The following ITGB8 variants were observed in gnomAD, a reference collection of about 807,000 sequenced individuals.
ITGB8 encodes the protein integrin subunit beta 8.
Under a neutral mutation model 89.5 loss-of-function variants are expected in ITGB8, and 30 were observed. The ratio of observed to expected loss-of-function variants is 0.34; its 90% CI spans 0.25 to 0.45. The LOEUF (loss-of-function observed/expected upper bound fraction) is 0.45. Among genes scored for constraint, ITGB8 ranks in the 20% least tolerant of loss-of-function variants. The pLI is 1.00. For synonymous variants in ITGB8, 335 were observed against 320.4 expected (o/e 1.05, Z -0.49); for missense variants, 836 against 933.3 (o/e 0.90, Z 1.36).
At chr7:20,351,516 T>C (rs1350834453) in intron 1 of ITGB8, among the ~76,000 whole-genome samples, 2 of 152,274 alleles carry the variant, frequency 1.3e-5, no homozygotes, top group East Asian at 1.9e-4. Context: ...AGTGTGATCA[T>C]GTAATAGATA....
chr7:20,350,308 C>T (rs550828916), intron 1 of ITGB8, among the ~76,000 whole-genome samples: 1 of 152,180 alleles, frequency 6.6e-6, no homozygotes, highest in South Asian at 2.1e-4. Context: ...CCACCATGTC[C>T]GGCTAATTTT....
intron 1 of ITGB8, among the ~76,000 whole-genome samples, chr7:20,333,525 A>C (rs1226695365): frequency 6.6e-6 from 1 of 152,234 alleles, no homozygotes; most frequent in Non-Finnish European, 1.5e-5. Context: ...CCCAACGTAC[A>C]GGCAAAGGAA....
At chr7:20,364,983 G>A (rs1785638011) in intron 2 of ITGB8, 1 of 152,156 alleles carries the variant, frequency 6.6e-6, no homozygotes, top group Non-Finnish European at 1.5e-5. Context: ...CTTTAGTGAG[G>A]GTAGTTTGGA....
At chr7:20,355,118 C>T (rs1785247483) in intron 1 of ITGB8, among the ~76,000 whole-genome samples, 2 of 152,214 alleles carry the variant, frequency 1.3e-5, no homozygotes, top group Admixed American at 6.5e-5. Context: ...AAAGGAGCCA[C>T]ATTGCTTAGA....
chr7:20,344,448 G>A (rs984478808), intron 1 of ITGB8, among the ~76,000 whole-genome samples: 2 of 152,344 alleles, frequency 1.3e-5, no homozygotes, highest in Admixed American at 1.3e-4. Flanking sequence ...TCCAGGCTGT[G>A]TCTCCAATAG....
intron 6 of ITGB8, among the ~76,000 whole-genome samples, chr7:20,390,892 A>G (rs887463547): frequency 2.0e-5 from 3 of 152,058 alleles, no homozygotes; most frequent in Admixed American, 1.3e-4. Flanking sequence ...ATCATGTTAT[A>G]TATATATGTT....
chr7:20,358,030 A>G (rs569636420), intron 1 of ITGB8, among the ~76,000 whole-genome samples: 1 of 152,210 alleles, frequency 6.6e-6, no homozygotes, highest in Non-Finnish European at 1.5e-5. Context: ...CAATGGCATG[A>G]TCTTGGCTCA....
intron 1 of ITGB8, among the ~76,000 whole-genome samples, chr7:20,350,426 G>A (rs1255920325): frequency 6.6e-6 from 1 of 152,294 alleles, no homozygotes; most frequent in East Asian, 1.9e-4. Flanking sequence ...GGGATTACAG[G>A]CATGAGCCAC....
chr7:20,342,657 T>C (rs1269722230), intron 1 of ITGB8, among the ~76,000 whole-genome samples: 1 of 152,302 alleles, frequency 6.6e-6, no homozygotes, highest in East Asian at 1.9e-4. Flanking sequence ...CATGGCACAT[T>C]TGGCAAAAGA....
intron 12 of ITGB8, among the ~76,000 whole-genome samples, chr7:20,408,377 CAAAAAAAAA>C (rs3032573): frequency 2.2e-4 from 21 of 97,294 alleles, no homozygotes; most frequent in African/African-American, 6.0e-4. Context: ...TACCTTATCA[CAAAAAAAAA>C]AAAAAAAAAA....
At chr7:20,345,281 T>A (rs1784885396) in intron 1 of ITGB8, among the ~76,000 whole-genome samples, 1 of 152,148 alleles carries the variant, frequency 6.6e-6, no homozygotes, top group Non-Finnish European at 1.5e-5. Flanking sequence ...TAATAAATAT[T>A]TTTCAACAAG....
intron 8 of ITGB8, among the ~76,000 whole-genome samples, chr7:20,398,094 G>T (rs1396464166): frequency 6.6e-6 from 1 of 152,054 alleles, no homozygotes; most frequent in Non-Finnish European, 1.5e-5. Context: ...TGTAATGAAA[G>T]AAATTAGTGT....
chr7:20,356,576 A>G (rs1785301821), intron 1 of ITGB8, among the ~76,000 whole-genome samples: 1 of 152,168 alleles, frequency 6.6e-6, no homozygotes, highest in Admixed American at 6.5e-5. Context: ...TTTAATTTGT[A>G]TAGTAAATGC....
At chr7:20,355,603 G>T (rs1465738090) in intron 1 of ITGB8, among the ~76,000 whole-genome samples, 2 of 152,112 alleles carry the variant, frequency 1.3e-5, no homozygotes, top group Non-Finnish European at 2.9e-5. Context: ...TACTATTGTA[G>T]GTTTTTCTAA....
In ITGB8 at chr7:20,331,140, C is replaced by G. The variant is rs1784372743; in HGVS notation, c.-667C>G. 6.3e-6 allele frequency: 1 copy of G among 157,904 alleles called. No individual in the cohort carries two copies. Among genetic ancestry groups the G allele is most frequent in the Admixed American group, 6.5e-5 (1 of 15,412 alleles). 9.8% of individuals were successfully genotyped at this position (157,904 alleles called of 1,614,324 possible). A position where few individuals can be genotyped will look rare whatever the true frequency, so the allele number is the denominator to read the frequency against. On this transcript the variant is annotated 5_prime_UTR_variant, in exon 1 of 14. Coordinates refer to ENST00000222573, the MANE Select transcript of ITGB8 (RefSeq NM_002214.3). Reference sequence around the variant, plus strand: ...AGGGCGCTCCCAGAGCCGCCTCCCCCTGTTGCTGGCATCCCGAGCTTCCTC... The same window carrying G: ...AGGGCGCTCCCAGAGCCGCCTCCCCGTGTTGCTGGCATCCCGAGCTTCCTC...
Position 20,391,509 on chromosome 7 carries a change from T to C in ITGB8, c.1056+11T>C. The C allele has an allele frequency of 7.1e-7, 1 of 1,405,704 alleles. No individual in the cohort carries two copies. Among genetic ancestry groups the C allele is most frequent in the Non-Finnish European group, 9.8e-7 (1 of 1,022,110 alleles). 87.1% of individuals were successfully genotyped at this position (1,405,704 alleles called of 1,614,324 possible). A position where few individuals can be genotyped will look rare whatever the true frequency, so the allele number is the denominator to read the frequency against. ...TTTCATTGGTATAAGGTATGTTAAC[T>C]CTGAAAATGTTAAAATTAAATTTTT... On this transcript the variant is annotated intron_variant, in intron 7 of 13. Coordinates refer to ENST00000222573, the MANE Select transcript of ITGB8 (RefSeq NM_002214.3).
At chr7:20,334,510 G>A (rs1194034936) in intron 1 of ITGB8, among the ~76,000 whole-genome samples, 1 of 151,938 alleles carries the variant, frequency 6.6e-6, no homozygotes, top group Admixed American at 6.6e-5. Flanking sequence ...TTCACCTTCT[G>A]TTTATTCAAG....
intron 12 of ITGB8, among the ~76,000 whole-genome samples, chr7:20,409,137 C>T (rs931890741): frequency 3.9e-5 from 6 of 152,066 alleles, no homozygotes; most frequent in African/African-American, 1.4e-4. Flanking sequence ...CTTTATTTTC[C>T]ATTACTGGCA....
chr7:20,375,256 CTA>C (rs1562678186), intron 3 of ITGB8, among the ~76,000 whole-genome samples: 1 of 151,570 alleles, frequency 6.6e-6, no homozygotes, highest in Non-Finnish European at 1.5e-5. Context: ...TCAATTATAA[CTA>C]TTTTCCTCAA....
Sources: allele counts gnomAD v4.1 joint callset (sites outside exome capture counted in the v4.1 genomes callset), GRCh38; gene constraint gnomAD v4.1.1; transcripts MANE v1.5; gene names NCBI Gene and HGNC (gene_info 2026-07-23, HGNC 2026-07-21).